Variants in TM2D1 observed in about 807,000 individuals in gnomAD.
The protein encoded by TM2D1 is TM2 domain containing 1.
Under a neutral mutation model 28.4 loss-of-function variants are expected in TM2D1, and 15 were observed. The ratio of observed to expected loss-of-function variants is 0.53; its 90% CI spans 0.35 to 0.81. TM2D1 has a LOEUF of 0.81. Ranked by LOEUF, TM2D1 falls within the 40% of genes least tolerant of loss-of-function variation. The pLI, the probability that TM2D1 is intolerant of heterozygous loss-of-function variation, is 0.01. For synonymous variants in TM2D1, 93 were observed against 96.2 expected, an observed-to-expected ratio of 0.97 and a Z score of 0.20; for missense variants, 236 against 254.9, an observed-to-expected ratio of 0.93 and a Z score of 0.50.
intron 5 of TM2D1, among the ~76,000 whole-genome samples, chr1:61,690,456 C>CAAAAAAAAAAAAAAAAAAAAAAAA (rs762550068): frequency 3.3e-5 from 2 of 60,044 alleles, no homozygotes; most frequent in Non-Finnish European, 5.9e-5. Context: ...GACTCAGTCT[C>CAAAAAAAAAAAAAAAAAAAAAAAA]AAAAAAAAAA....
At chr1:61,703,392 CAT>C (rs908876470) in intron 3 of TM2D1, among the ~76,000 whole-genome samples, 3 of 143,180 alleles carry the variant, frequency 2.1e-5, no homozygotes, top group African/African-American at 7.7e-5. Context: ...ATTATATATA[CAT>C]ATATATATGT....
At chr1:61,718,311 AAAAT>A (rs1397755597) in intron 2 of TM2D1, among the ~76,000 whole-genome samples, 1 of 152,148 alleles carries the variant, frequency 6.6e-6, no homozygotes, top group African/African-American at 2.4e-5. Flanking sequence ...AAGAGAGAGA[AAAAT>A]AAAGTTGGCA....
At chr1:61,692,434 A>AAAAG (rs945268820) in intron 5 of TM2D1, among the ~76,000 whole-genome samples, 1 of 151,954 alleles carries the variant, frequency 6.6e-6, no homozygotes, top group Non-Finnish European at 1.5e-5. Context: ...TTAATGGCAA[A>AAAAG]AAAGAAAGAA....
intron 5 of TM2D1, among the ~76,000 whole-genome samples, chr1:61,685,406 T>C (rs1395873011): frequency 1.3e-5 from 2 of 152,356 alleles, no homozygotes; most frequent in African/African-American, 2.4e-5. Flanking sequence ...TTTAAAAATA[T>C]GTGGAGAGTA....
intron 2 of TM2D1, among the ~76,000 whole-genome samples, chr1:61,713,169 C>CA (rs1302684596): frequency 0.026 from 2,600 of 100,678 alleles, 57 homozygotes; most frequent in African/African-American, 0.083. Flanking sequence ...GACTCCACCT[C>CA]AAAAAAAAAA....
At chr1:61,701,182 A>G (rs1441116068) in intron 3 of TM2D1, among the ~76,000 whole-genome samples, 157 bp from the exon 4 acceptor site, 1 of 152,036 alleles carries the variant, frequency 6.6e-6, no homozygotes, top group African/African-American at 2.4e-5. Context: ...CTATTGGAAT[A>G]TATTAATGAA....
chr1:61,714,295 C>T (rs1644501383), intron 2 of TM2D1, among the ~76,000 whole-genome samples: 1 of 151,474 alleles, frequency 6.6e-6, no homozygotes, highest in South Asian at 2.1e-4. Context: ...GTAATCCCAG[C>T]ACTTTGGGAG....
In TM2D1 at chr1:61,697,387, A is replaced by G. The variant is rs565227565; in HGVS notation, c.440-2617T>C. 15 of 149,006 alleles carry G rather than the reference A, an allele frequency of 1.0e-4. 1 individual carries two copies. In the East Asian group the frequency reaches 2.8e-3, roughly 28 times the overall value. 9.2% of individuals were successfully genotyped at this position (149,006 alleles called of 1,614,324 possible). On this transcript the variant is annotated intron_variant, in intron 4 of 6. Coordinates refer to ENST00000606498, the MANE Select transcript of TM2D1 (RefSeq NM_032027.3). ...CTTCTTTCCTTTGCAGGGTCTCACTATTTCCAAGGGTCTCACTGTGTTGCC... is the reference window on the plus strand; with the variant it reads ...CTTCTTTCCTTTGCAGGGTCTCACTGTTTCCAAGGGTCTCACTGTGTTGCC...
chr1:61,709,245 C>G (rs1644460650), intron 3 of TM2D1, 84 bp downstream of exon 3: 1 of 798,356 alleles, frequency 1.3e-6, no homozygotes, highest in Non-Finnish European at 2.1e-6. Context: ...AGGATAGTCC[C>G]CATAAATTAT....
chr1:61,691,932 A>AAAAAATATATATATATATAT, intron 5 of TM2D1, among the ~76,000 whole-genome samples: 18 of 76,364 alleles, frequency 2.4e-4, no homozygotes, highest in South Asian at 4.4e-4. Context: ...AAAAAAAAAA[A>AAAAAATATATATATATATAT]ATATATATAT....
intron 1 of TM2D1, 42 bp downstream of exon 1, chr1:61,724,915 T>C (rs1307917290): frequency 1.9e-6 from 3 of 1,541,846 alleles, no homozygotes; most frequent in Non-Finnish European, 1.8e-6. Flanking sequence ...CGACCCCAAC[T>C]CTACCTCGCC....
At chr1:61,715,555 C>G (rs978449306) in intron 2 of TM2D1, among the ~76,000 whole-genome samples, 27 of 126,626 alleles carry the variant, frequency 2.1e-4, no homozygotes, top group African/African-American at 7.7e-4. Flanking sequence ...GGCTGAGGCA[C>G]AAGAATTGCT....
intron 5 of TM2D1, among the ~76,000 whole-genome samples, chr1:61,692,761 C>T (rs1193313755): frequency 1.3e-5 from 2 of 152,172 alleles, no homozygotes; most frequent in African/African-American, 4.8e-5. Context: ...ATAAGGCTAC[C>T]CATCTTATTT....
intron 2 of TM2D1, among the ~76,000 whole-genome samples, chr1:61,711,584 T>C (rs908271464): frequency 5.4e-5 from 8 of 148,508 alleles, no homozygotes; most frequent in Non-Finnish European, 8.9e-5. Flanking sequence ...GCTGTGATCA[T>C]GCCACTGCAC....
intron 5 of TM2D1, among the ~76,000 whole-genome samples, chr1:61,690,468 A>C (rs1443953076): frequency 6.6e-6 from 1 of 151,032 alleles, no homozygotes; most frequent in Non-Finnish European, 1.5e-5. Context: ...AAAAAAAAAA[A>C]AAAAAAAAAA....
At position 61,711,010 on chromosome 1, in the gene TM2D1, T is replaced by C. The variant is rs1557536461; in HGVS notation, c.239-1573A>G. Among the ~76,000 whole-genome samples the C allele has an allele frequency of 2.0e-5, 3 of 152,138 alleles. No individual in the cohort carries two copies. The South Asian group carries it at 6.2e-4, about 32-fold the overall frequency. ...GGTGTTTATAATAAAACGCACAGATTCAATAAAACTGAGAACCATTTTAAT... is the reference window on the plus strand; with the variant it reads ...GGTGTTTATAATAAAACGCACAGATCCAATAAAACTGAGAACCATTTTAAT... On this transcript the variant is annotated intron_variant, in intron 2 of 6. Coordinates refer to ENST00000606498, the MANE Select transcript of TM2D1 (RefSeq NM_032027.3).
chr1:61,701,142 T>C, intron 3 of TM2D1, 117 bp from the exon 4 acceptor site: 1 of 716,252 alleles, frequency 1.4e-6, no homozygotes, highest in African/African-American at 1.8e-5. Context: ...GTTTTTTAGA[T>C]GCCTCCTGTG....
At chr1:61,722,317 G>A (rs770698842) in intron 2 of TM2D1, among the ~76,000 whole-genome samples, 3 of 152,034 alleles carry the variant, frequency 2.0e-5, no homozygotes, top group African/African-American at 7.2e-5. Flanking sequence ...TTATAGAGGA[G>A]ATATTGCTTA....
At position 61,700,950 on chromosome 1, in the gene TM2D1, A is replaced by G; in HGVS notation, c.423T>C (p.Leu141=). 1 of 1,610,078 alleles carries G rather than the reference A, an allele frequency of 6.2e-7. No homozygotes were observed. The highest frequency in any genetic ancestry group is 2.2e-5 in the East Asian group (1 of 44,768). The change falls in exon 4 of 7, where the codon CTT becomes CTC. Residue 141 remains leucine (L), a synonymous_variant. Transcript: ENST00000606498. Reference sequence around the variant, plus strand: ...CATACGCACCCAAAGCAGGGTATCCAAGGTAAAATCGATCTGCTCCCAACC... The same window carrying G: ...CATACGCACCCAAAGCAGGGTATCCGAGGTAAAATCGATCTGCTCCCAACC... ...LGWLGADRFY[L]GYPALGLLKF...
Sources: allele counts gnomAD v4.1 joint callset (sites outside exome capture counted in the v4.1 genomes callset), GRCh38; gene constraint gnomAD v4.1.1; transcripts MANE v1.5; gene names NCBI Gene and HGNC (gene_info 2026-07-23, HGNC 2026-07-21).